SNTG1: variants seen among roughly 807,000 people sequenced by gnomAD.
SNTG1 encodes gamma-1-syntrophin.
SNTG1 carries 39 observed loss-of-function variants against 74.7 expected under a neutral mutation model. The observed-to-expected ratio is 0.52, with a 90% CI of 0.40 to 0.68. SNTG1 has a LOEUF of 0.68. SNTG1 is among the 30% of genes least tolerant of loss of function. The pLI, the probability that SNTG1 is intolerant of heterozygous loss-of-function variation, is 0.00. For synonymous variants in SNTG1, 254 were observed against 217.1 expected (o/e 1.17, Z -1.49); for missense variants, 685 against 609.5 (o/e 1.12, Z -1.30).
chr8:50,687,141 CA>C (rs1167132296), intron 15 of SNTG1, among the ~76,000 whole-genome samples: 115 of 64,226 alleles, frequency 1.8e-3, no homozygotes, highest in Admixed American at 4.0e-3. Flanking sequence ...GACTCCGTCT[CA>C]AAAAAAAAAA....
At chr8:50,753,473 G>A (rs12056631) in intron 18 of SNTG1, among the ~76,000 whole-genome samples, 3 of 151,884 alleles carry the variant, frequency 2.0e-5, no homozygotes, top group Non-Finnish European at 1.5e-5. Context: ...TGCTGACAGC[G>A]GTACAGTATT....
chr8:50,463,782 C>T (rs2093587170), intron 8 of SNTG1, among the ~76,000 whole-genome samples: 1 of 152,148 alleles, frequency 6.6e-6, no homozygotes, highest in South Asian at 2.1e-4. Context: ...ATAGAGCCAG[C>T]CAGTTCTTTG....
At chr8:50,229,225 T>C (rs1013687610) in intron 2 of SNTG1, among the ~76,000 whole-genome samples, 6 of 151,422 alleles carry the variant, frequency 4.0e-5, no homozygotes, top group Non-Finnish European at 7.4e-5. Flanking sequence ...ATGCAACACA[T>C]TGAAAATGCT....
intron 18 of SNTG1, among the ~76,000 whole-genome samples, chr8:50,788,816 A>C (rs2095683224): frequency 1.3e-5 from 2 of 151,814 alleles, no homozygotes; most frequent in Admixed American, 6.6e-5. Flanking sequence ...ACCTTCCTTG[A>C]GTTGTACCCA....
intron 1 of SNTG1, among the ~76,000 whole-genome samples, chr8:50,019,512 GTATC>G (rs966596809): frequency 2.6e-5 from 4 of 151,950 alleles, no homozygotes; most frequent in Non-Finnish European, 4.4e-5. Flanking sequence ...CTTGCTTTCT[GTATC>G]TATCTATGAA....
intron 8 of SNTG1, among the ~76,000 whole-genome samples, chr8:50,474,650 GT>G (rs1342214626): frequency 1.3e-5 from 2 of 152,074 alleles, no homozygotes; most frequent in Non-Finnish European, 2.9e-5. Context: ...TAGTTCAAAT[GT>G]TGTGGAAGTC....
chr8:50,092,560 G>A (rs2079778823), intron 1 of SNTG1, among the ~76,000 whole-genome samples: 1 of 152,118 alleles, frequency 6.6e-6, no homozygotes, highest in Admixed American at 6.6e-5. Flanking sequence ...TATCCTTGCT[G>A]AACTTTCTTC....
intron 1 of SNTG1, among the ~76,000 whole-genome samples, chr8:49,991,681 A>T (rs1453429349): frequency 6.6e-6 from 1 of 152,208 alleles, no homozygotes; most frequent in Non-Finnish European, 1.5e-5. Context: ...TGAAAACATT[A>T]CGCTATTGAA....
At chr8:50,558,882 T>A (rs1165030352) in intron 12 of SNTG1, among the ~76,000 whole-genome samples, 1 of 152,236 alleles carries the variant, frequency 6.6e-6, no homozygotes, top group African/African-American at 2.4e-5. Context: ...TTTTAAATTT[T>A]TTGTATTTTT....
At chr8:50,640,503 C>G (rs78264808) in intron 13 of SNTG1, among the ~76,000 whole-genome samples, 6 of 152,236 alleles carry the variant, frequency 3.9e-5, no homozygotes, top group Non-Finnish European at 7.4e-5. Flanking sequence ...AGGTATTCTT[C>G]TTGCTCCTCA....
At chr8:50,202,554 T>C (rs1563732775) in intron 2 of SNTG1, among the ~76,000 whole-genome samples, 2 of 152,188 alleles carry the variant, frequency 1.3e-5, no homozygotes, top group South Asian at 4.1e-4. Flanking sequence ...TGAATACTGT[T>C]CTATTGCACA....
rs546611642 is a variant in SNTG1, at chr8:50,279,312, G to A, written c.-28+106677G>A. ...AGAAAACTCTTTTAAAGATGTTTTT[G>A]ATTTTTGGTTCTTGCTTCTTGGTAC... On this transcript the variant is annotated intron_variant, in intron 2 of 18. Transcript: ENST00000642720. Among the ~76,000 whole-genome samples the A allele has an allele frequency of 1.2e-4, 19 of 152,162 alleles. No homozygotes were observed. The South Asian group carries it at 3.9e-3, about 32-fold the overall frequency.
At chr8:50,335,872 C>T (rs1036486098) in intron 2 of SNTG1, among the ~76,000 whole-genome samples, 4 of 105,374 alleles carry the variant, frequency 3.8e-5, no homozygotes, top group Non-Finnish European at 8.8e-5. Context: ...TTATGTTACC[C>T]TTATGGGATC....
chr8:50,211,243 G>A (rs1315047596), intron 2 of SNTG1, among the ~76,000 whole-genome samples: 1 of 152,054 alleles, frequency 6.6e-6, no homozygotes, highest in Non-Finnish European at 1.5e-5. Context: ...GTACTATCAA[G>A]AGTATATTAA....
intron 15 of SNTG1, among the ~76,000 whole-genome samples, chr8:50,686,404 G>T (rs561275243): frequency 2.0e-5 from 3 of 152,140 alleles, no homozygotes; most frequent in African/African-American, 7.2e-5. Flanking sequence ...AGCCAACTTT[G>T]GTGGATTACT....
chr8:50,319,513 A>G (rs13271981), intron 2 of SNTG1, among the ~76,000 whole-genome samples: 72,037 of 152,094 alleles, frequency 0.47, 19,483 homozygotes, highest in East Asian at 0.83. Flanking sequence ...TCCTCTGCAA[A>G]CAAGGATAAT....
At chr8:49,921,785 T>C (rs1258360172) in intron 1 of SNTG1, among the ~76,000 whole-genome samples, 1 of 152,064 alleles carries the variant, frequency 6.6e-6, no homozygotes. Context: ...CTCCACCTCA[T>C]TATATATTCA....
chr8:50,533,301 C>T (rs905240720), intron 10 of SNTG1, among the ~76,000 whole-genome samples: 2 of 152,190 alleles, frequency 1.3e-5, no homozygotes, highest in Non-Finnish European at 2.9e-5. Flanking sequence ...CCACCAAATC[C>T]TTAATAAAAT....
At chr8:50,214,370 GCA>G (rs2084674115) in intron 2 of SNTG1, among the ~76,000 whole-genome samples, 1 of 150,202 alleles carries the variant, frequency 6.7e-6, no homozygotes, top group Non-Finnish European at 1.5e-5. Flanking sequence ...TAACTAACCT[GCA>G]CATTATGCAC....
Sources: allele counts gnomAD v4.1 joint callset (sites outside exome capture counted in the v4.1 genomes callset), GRCh38; gene constraint gnomAD v4.1.1; transcripts MANE v1.5; gene names NCBI Gene and HGNC (gene_info 2026-07-23, HGNC 2026-07-21).